B3GALT1: variants seen among roughly 807,000 people sequenced by gnomAD.
B3GALT1 encodes UDP-Gal:betaGlcNAc beta 1,3-galactosyltransferase, polypeptide 1.
A neutral mutation model predicts 23.2 loss-of-function variants in B3GALT1; 10 were observed. The observed-to-expected ratio is 0.43, with a 90% CI of 0.27 to 0.73. The LOEUF is 0.73. Ranked by LOEUF, B3GALT1 falls within the 30% of genes least tolerant of loss-of-function variation. The pLI is 0.21. For synonymous variants in B3GALT1, 156 were observed against 141.5 expected (o/e 1.10, Z -0.73); for missense variants, 299 against 405.4 (o/e 0.74, Z 2.25).
At chr2:167,727,407 G>A (rs914237761) in intron 3 of B3GALT1, among the ~76,000 whole-genome samples, 3 of 152,074 alleles carry the variant, frequency 2.0e-5, no homozygotes, top group Admixed American at 6.6e-5. Context: ...AAGATAATAC[G>A]CATTGGCTCC....
intron 1 of B3GALT1, among the ~76,000 whole-genome samples, chr2:167,308,870 A>G (rs965303562): frequency 1.3e-5 from 2 of 151,964 alleles, no homozygotes; most frequent in African/African-American, 4.8e-5. Flanking sequence ...AATATCTAAA[A>G]CAATGATGTC....
chr2:167,848,719 A>G (rs1182219279), intron 4 of B3GALT1, among the ~76,000 whole-genome samples: 3 of 152,226 alleles, frequency 2.0e-5, no homozygotes, highest in Non-Finnish European at 4.4e-5. Flanking sequence ...CTCCTCTTCA[A>G]CATGGTACTG....
intron 2 of B3GALT1, among the ~76,000 whole-genome samples, chr2:167,492,868 T>TG (rs1424352027): frequency 3.1e-5 from 4 of 130,504 alleles, no homozygotes; most frequent in African/African-American, 1.3e-4. Context: ...CAAGTGTGTG[T>TG]ATTTAGAGAT....
intron 1 of B3GALT1, among the ~76,000 whole-genome samples, chr2:167,482,863 A>G (rs1031928646): frequency 2.0e-5 from 3 of 151,396 alleles, no homozygotes; most frequent in African/African-American, 7.3e-5. Context: ...AAGCATAAAC[A>G]CTCTGTGCTT....
At chr2:167,702,459 A>G (rs1240868679) in intron 3 of B3GALT1, among the ~76,000 whole-genome samples, 1 of 152,222 alleles carries the variant, frequency 6.6e-6, no homozygotes. Flanking sequence ...CACAATATAG[A>G]TGAAATAGTC....
At chr2:167,508,665 G>T (rs965185693) in intron 2 of B3GALT1, among the ~76,000 whole-genome samples, 1 of 151,844 alleles carries the variant, frequency 6.6e-6, no homozygotes, top group African/African-American at 2.4e-5. Context: ...GAAATGACTG[G>T]CATACACCAA....
intron 1 of B3GALT1, among the ~76,000 whole-genome samples, chr2:167,377,143 G>A (rs539144799): frequency 6.6e-6 from 1 of 152,204 alleles, no homozygotes; most frequent in Admixed American, 6.6e-5. Flanking sequence ...TAATTTTGTG[G>A]TTTTGAGATA....
Position 167,869,929 on chromosome 2 carries a change from A to T in B3GALT1, c.890A>T (p.Tyr297Phe). The T allele has an allele frequency of 6.2e-7, 1 of 1,613,976 alleles. No individual in the cohort carries two copies. Among genetic ancestry groups the T allele is most frequent in the Non-Finnish European group, 8.5e-7 (1 of 1,179,940 alleles). ...HWKMAYSLCR[Y>F]RRVITVHQIS... ...AAAATGGCCTACAGTTTGTGTAGGT[A>T]TCGCCGAGTTATCACTGTGCATCAG... Residue 297 changes from tyrosine (Y) to phenylalanine (F), a missense_variant, in exon 5 of 5, where the codon TAT becomes TTT. By Grantham distance (22) the Tyr-to-Phe change is conservative. Coordinates refer to ENST00000392690, the MANE Select transcript of B3GALT1 (RefSeq NM_020981.4). This position sits in a 1 kb window ranked among gnomAD's most constrained non-coding sequence, Gnocchi z 6.4.
intron 3 of B3GALT1, among the ~76,000 whole-genome samples, chr2:167,811,917 A>G (rs781366680): frequency 1.3e-5 from 2 of 152,242 alleles, no homozygotes; most frequent in Non-Finnish European, 2.9e-5. Context: ...TCAACTGTCT[A>G]TAGGGCATAA....
intron 3 of B3GALT1, among the ~76,000 whole-genome samples, chr2:167,663,405 A>G (rs980783440): frequency 6.0e-4 from 91 of 151,480 alleles, no homozygotes; most frequent in African/African-American, 1.7e-3. Context: ...ATTGTGAATA[A>G]TGCCGCAATA....
chr2:167,838,862 G>C (rs77165352), intron 4 of B3GALT1, among the ~76,000 whole-genome samples: 2 of 151,938 alleles, frequency 1.3e-5, no homozygotes, highest in African/African-American at 4.8e-5. Context: ...GGGATGCAAG[G>C]CTGGTTCAAT....
chr2:167,401,243 C>T (rs1207645196), intron 1 of B3GALT1, among the ~76,000 whole-genome samples: 1 of 152,040 alleles, frequency 6.6e-6, no homozygotes, highest in African/African-American at 2.4e-5. Flanking sequence ...TGAAATTAAC[C>T]TTCCGTCTTT....
chr2:167,353,367 A>G (rs2105257315), intron 1 of B3GALT1, among the ~76,000 whole-genome samples: 1 of 152,310 alleles, frequency 6.6e-6, no homozygotes, highest in Admixed American at 6.5e-5. Context: ...CTAAGATTCA[A>G]ACCCTTCTGC....
At chr2:167,719,672 G>A (rs906878566) in intron 3 of B3GALT1, among the ~76,000 whole-genome samples, 3 of 152,192 alleles carry the variant, frequency 2.0e-5, no homozygotes, top group Admixed American at 1.3e-4. Flanking sequence ...GGTGGCTCAC[G>A]CCTGTAATCC....
Position 167,398,264 on chromosome 2 carries a change from C to G in B3GALT1, c.-510-91913C>G, listed in dbSNP as rs150732864. ...GGAAAGACCAAAAAGCTTTGTTTTT[C>G]ATACTGTCAGTCTAGGTCTAGTGAT... On this transcript the variant is annotated intron_variant, in intron 1 of 4. Transcript: ENST00000392690. 7.3e-3 allele frequency among the ~76,000 whole-genome samples: 1,107 copies of G among 152,146 alleles called. 52 individuals are homozygous for G. Among genetic ancestry groups the G allele is most frequent in the Admixed American group, 0.066 (1,002 of 15,264 alleles).
At chr2:167,466,057 C>T (rs888519583) in intron 1 of B3GALT1, among the ~76,000 whole-genome samples, 1 of 152,118 alleles carries the variant, frequency 6.6e-6, no homozygotes, top group Non-Finnish European at 1.5e-5. Flanking sequence ...CCTTGGTGTC[C>T]CAACTTCAGA....
At chr2:167,492,860 A>T (rs1222857957) in intron 2 of B3GALT1, among the ~76,000 whole-genome samples, 1 of 141,850 alleles carries the variant, frequency 7.0e-6, no homozygotes, top group African/African-American at 2.8e-5. Context: ...GTTATATCCA[A>T]GTGTGTGTAT....
intron 1 of B3GALT1, among the ~76,000 whole-genome samples, chr2:167,297,049 C>T (rs966947924): frequency 3.3e-5 from 5 of 151,664 alleles, no homozygotes; most frequent in Non-Finnish European, 4.4e-5. Flanking sequence ...AATAACACTG[C>T]GTAATATGTG....
intron 3 of B3GALT1, among the ~76,000 whole-genome samples, chr2:167,716,878 A>G (rs944223488): frequency 6.6e-6 from 1 of 152,040 alleles, no homozygotes; most frequent in Non-Finnish European, 1.5e-5. Flanking sequence ...ATATTCCTTT[A>G]TATATACATT....
Sources: allele counts gnomAD v4.1 joint callset (sites outside exome capture counted in the v4.1 genomes callset), GRCh38; gene constraint gnomAD v4.1.1; non-coding constraint Gnocchi (gnomAD v3.1); transcripts MANE v1.5; gene names NCBI Gene and HGNC (gene_info 2026-07-23, HGNC 2026-07-21).